RYR2: variants seen among roughly 807,000 people sequenced by gnomAD.
RYR2 encodes cardiac muscle ryanodine receptor-calcium release channel.
RYR2 carries 227 observed loss-of-function variants against 601.1 expected under a neutral mutation model. That is an observed-to-expected ratio of 0.38 (90% CI 0.34 to 0.42). The LOEUF (loss-of-function observed/expected upper bound fraction) is 0.42, where lower values mean the gene tolerates loss of function less well. Ranked by LOEUF, RYR2 falls within the 10% of genes least tolerant of loss-of-function variation. The pLI is 1.00. For missense variants in RYR2, 4,646 were observed against 6,156.5 expected (o/e 0.75, Z 8.21); for synonymous variants, 2,223 against 2,175.1 (o/e 1.02, Z -0.61).
chr1:237,391,504 G>A lies in RYR2; in HGVS notation c.773+3321G>A, dbSNP rs188735775. Among the ~76,000 whole-genome samples, 358 of 152,234 alleles carry A rather than the reference G, an allele frequency of 2.4e-3. 1 individual carries two copies. The highest frequency in any genetic ancestry group is 2.4e-3 in the Non-Finnish European group (166 of 68,004). On this transcript the variant is annotated intron_variant, in intron 10 of 104. Coordinates refer to ENST00000366574, the MANE Select transcript of RYR2 (RefSeq NM_001035.3). ...CCAATTTACTTTGTTAGGAGACATA[G>A]TGGAAACTATTAAGGAGATGGCCAG...
intron 6 of RYR2, among the ~76,000 whole-genome samples, chr1:237,371,943 T>C (rs1478002787): frequency 6.6e-6 from 1 of 152,154 alleles, no homozygotes; most frequent in Admixed American, 6.5e-5. Flanking sequence ...ATATACCTAA[T>C]GTGAATGACA....
intron 80 of RYR2, among the ~76,000 whole-genome samples, chr1:237,751,965 A>C (rs1692569762): frequency 6.6e-6 from 1 of 152,206 alleles, no homozygotes. Context: ...AGAGCTACTA[A>C]TTTTGTAGCA....
At chr1:237,192,105 T>G (rs1269329238) in intron 1 of RYR2, among the ~76,000 whole-genome samples, 1 of 151,414 alleles carries the variant, frequency 6.6e-6, no homozygotes, top group Admixed American at 6.6e-5. Flanking sequence ...GTTTGAGGCC[T>G]GATAGCCCAC....
chr1:237,457,032 G>A (rs1221436361), intron 16 of RYR2, among the ~76,000 whole-genome samples: 8 of 152,162 alleles, frequency 5.3e-5, no homozygotes, highest in African/African-American at 1.4e-4. Flanking sequence ...AAATCAAATG[G>A]TGCTTAGTAT....
At chr1:237,232,488 T>TA (rs1381843758) in intron 1 of RYR2, among the ~76,000 whole-genome samples, 1 of 152,206 alleles carries the variant, frequency 6.6e-6, no homozygotes, top group Non-Finnish European at 1.5e-5. Context: ...TACCTTACCC[T>TA]ATGCATCTCT....
intron 14 of RYR2, among the ~76,000 whole-genome samples, chr1:237,451,949 G>A (rs1053217767): frequency 6.7e-6 from 1 of 149,110 alleles, no homozygotes. Context: ...TCTCTCCCAG[G>A]TCACGGTGGT....
chr1:237,145,759 G>A (rs1322742484), intron 1 of RYR2, among the ~76,000 whole-genome samples: 3 of 152,114 alleles, frequency 2.0e-5, no homozygotes, highest in Non-Finnish European at 2.9e-5. Context: ...TCTTGTAATG[G>A]CAGTGAAGAA....
intron 6 of RYR2, among the ~76,000 whole-genome samples, chr1:237,370,392 G>A (rs1286014562): frequency 6.6e-6 from 1 of 151,838 alleles, no homozygotes; most frequent in Non-Finnish European, 1.5e-5. Flanking sequence ...TTATAATAAA[G>A]TAAGCTAGAG....
At position 237,344,037 on chromosome 1, in the gene RYR2, G is replaced by T. The variant is rs566890375; in HGVS notation, c.274-11928G>T. 1.5e-4 allele frequency among the ~76,000 whole-genome samples: 23 copies of T among 152,032 alleles called. No homozygotes were observed. In the South Asian group the frequency reaches 4.2e-3, roughly 28 times the overall value. The stretch of plus-strand genomic sequence containing the variant: ...GGGGTTTCTCCATGTTGGCCAGGCT[G>T]GTCTCGAACTCCTTACCTCAGGTAA... On this transcript the variant is annotated intron_variant, in intron 3 of 104. Transcript: ENST00000366574.
intron 63 of RYR2, among the ~76,000 whole-genome samples, chr1:237,694,256 T>G (rs1687212904): frequency 6.9e-6 from 1 of 145,378 alleles, no homozygotes; most frequent in African/African-American, 2.6e-5. Context: ...ATCATGCCAG[T>G]GCACTCCAGC....
intron 19 of RYR2, 60 bp downstream of exon 19, chr1:237,493,147 G>T: frequency 6.3e-7 from 1 of 1,585,180 alleles, no homozygotes. Flanking sequence ...TAATGTTCTT[G>T]CCCTGTAGCT....
chr1:237,381,091 A>G (rs1701472510), intron 8 of RYR2, among the ~76,000 whole-genome samples: 3 of 151,968 alleles, frequency 2.0e-5, no homozygotes, highest in Non-Finnish European at 2.9e-5. Flanking sequence ...AAGAAAAAAA[A>G]GAAATGATCT....
chr1:237,754,957 C>T (rs1167428634), intron 80 of RYR2: 1 of 483,994 alleles, frequency 2.1e-6, no homozygotes, highest in African/African-American at 2.1e-5. Context: ...CTTTTCTCTG[C>T]TTCCATTTAG....
chr1:237,147,309 A>T (rs971245548), intron 1 of RYR2, among the ~76,000 whole-genome samples: 10 of 152,182 alleles, frequency 6.6e-5, no homozygotes, highest in Non-Finnish European at 1.3e-4. Context: ...TAATTTTGAT[A>T]AAATTCCCTA....
At chr1:237,240,282 A>G (rs1199581722) in intron 1 of RYR2, among the ~76,000 whole-genome samples, 2 of 152,194 alleles carry the variant, frequency 1.3e-5, no homozygotes, top group African/African-American at 4.8e-5. Context: ...ATAATTCTCT[A>G]ATGACACAAT....
chr1:237,575,215 A>G (rs1421859635), intron 29 of RYR2, among the ~76,000 whole-genome samples: 1 of 152,178 alleles, frequency 6.6e-6, no homozygotes, highest in African/African-American at 2.4e-5. Context: ...TTTTTATTAT[A>G]AGCCATGCTG....
chr1:237,100,809 C>T lies in RYR2; in HGVS notation c.48+58240C>T, dbSNP rs145524718. ...TCCCCAATTCTGATGTTTTTATACG[C>T]AACACTAGGGGTCCTTCTGAAGTTA... On this transcript the variant is annotated intron_variant, in intron 1 of 104. Coordinates refer to ENST00000366574, the MANE Select transcript of RYR2 (RefSeq NM_001035.3). Among the ~76,000 whole-genome samples, 27 of 152,280 alleles carry T rather than the reference C, an allele frequency of 1.8e-4. 1 individual carries two copies. In the East Asian group the frequency reaches 5.0e-3, roughly 28 times the overall value.
At chr1:237,409,027 C>T (rs183682079) in intron 10 of RYR2, among the ~76,000 whole-genome samples, 5 of 152,096 alleles carry the variant, frequency 3.3e-5, no homozygotes, top group African/African-American at 7.2e-5. Flanking sequence ...TGAAACTTTC[C>T]TATAATTGTC....
intron 91 of RYR2, among the ~76,000 whole-genome samples, chr1:237,787,100 G>C (rs1452686546): frequency 1.3e-5 from 2 of 151,890 alleles, no homozygotes; most frequent in Non-Finnish European, 2.9e-5. Flanking sequence ...GCACCTAAAG[G>C]ATATCAAATG....
Sources: allele counts gnomAD v4.1 joint callset (sites outside exome capture counted in the v4.1 genomes callset), GRCh38; gene constraint gnomAD v4.1.1; transcripts MANE v1.5; gene names NCBI Gene and HGNC (gene_info 2026-07-23, HGNC 2026-07-21).